The following ADAM18 variants were observed in gnomAD, a reference collection of about 807,000 sequenced individuals.
The protein encoded by ADAM18 is disintegrin and metalloproteinase domain-containing protein 18.
Under a neutral mutation model 94.4 loss-of-function variants are expected in ADAM18, and 117 were observed. That is an observed-to-expected ratio of 1.24 (90% confidence interval 1.07 to 1.45). The LOEUF is 1.45. ADAM18 is among the 40% of genes most tolerant of loss of function. The pLI is 0.00. For synonymous variants in ADAM18, 327 were observed against 291.6 expected (o/e 1.12, Z -1.24); for missense variants, 936 against 880.0 (o/e 1.06, Z -0.81).
At chr8:39,633,075 C>T (rs759455105) in intron 7 of ADAM18, among the ~76,000 whole-genome samples, 7 of 152,096 alleles carry the variant, frequency 4.6e-5, no homozygotes, top group Admixed American at 1.3e-4. Context: ...TTCCTCTCCA[C>T]GAGGACATAG....
chr8:39,691,680 A>G (rs886631411), intron 16 of ADAM18, among the ~76,000 whole-genome samples: 2 of 152,108 alleles, frequency 1.3e-5, no homozygotes, highest in African/African-American at 4.8e-5. Flanking sequence ...TATTTGCAGA[A>G]CATGGATGAA....
chr8:39,598,120 T>C (rs1276012386), intron 2 of ADAM18, among the ~76,000 whole-genome samples: 1 of 152,226 alleles, frequency 6.6e-6, no homozygotes, highest in African/African-American at 2.4e-5. Context: ...GTTTACCTTC[T>C]ACCCTGCAAC....
intron 16 of ADAM18, among the ~76,000 whole-genome samples, chr8:39,691,104 A>G (rs1220052600): frequency 1.3e-5 from 2 of 152,200 alleles, no homozygotes; most frequent in Non-Finnish European, 2.9e-5. Flanking sequence ...CAAGAACCAG[A>G]TGATATATAT....
chr8:39,636,009 G>GT (rs1286518727), intron 7 of ADAM18, among the ~76,000 whole-genome samples: 6,236 of 130,942 alleles, frequency 0.048, 297 homozygotes, highest in African/African-American at 0.12. Flanking sequence ...AAGTTTTTTT[G>GT]TTTTTTTTTT....
intron 6 of ADAM18, among the ~76,000 whole-genome samples, chr8:39,616,532 T>A (rs1401655970): frequency 2.0e-5 from 3 of 152,116 alleles, no homozygotes; most frequent in Non-Finnish European, 4.4e-5. Context: ...CTAAAATTCA[T>A]ATGGGACCAA....
rs764121011 is a variant in ADAM18, at chr8:39,606,336, A to C, written c.162A>C (p.Gln54His). Residue 54 changes from glutamine to histidine, a missense_variant, in exon 3 of 20, where the codon CAA (glutamine) becomes CAC (histidine). Physicochemically the swap from Gln to His is conservative, Grantham distance 24 (BLOSUM62 0). Transcript: ENST00000265707. ...KMIYIITIDG[Q>H]PYTLHLGKQS... ...TTTACATCATTACAATTGATGGACA[A>C]CCTTACACTCTACATCTCGGAAAAC... is the stretch of plus-strand genomic sequence containing the variant. 23 of 1,563,750 alleles carry C rather than the reference A, an allele frequency of 1.5e-5. No individual in the cohort carries two copies. Among genetic ancestry groups the C allele is most frequent in the Non-Finnish European group, 1.9e-5 (22 of 1,150,060 alleles).
chr8:39,710,262 G>A (rs190886702), intron 18 of ADAM18, among the ~76,000 whole-genome samples: 2 of 152,098 alleles, frequency 1.3e-5, no homozygotes, highest in Non-Finnish European at 2.9e-5. Flanking sequence ...ATTGTATGAG[G>A]TATTTGTCAA....
intron 2 of ADAM18, among the ~76,000 whole-genome samples, chr8:39,589,288 T>A (rs2129457980): frequency 6.6e-6 from 1 of 152,324 alleles, no homozygotes; most frequent in Non-Finnish European, 1.5e-5. Flanking sequence ...TAATTTATGT[T>A]AGGCACATTA....
intron 10 of ADAM18, among the ~76,000 whole-genome samples, chr8:39,639,317 A>C (rs113597564): frequency 6.6e-6 from 1 of 151,910 alleles, no homozygotes; most frequent in Non-Finnish European, 1.5e-5. Context: ...CCTTTGTTTA[A>C]TTTTACTTCT....
At chr8:39,642,906 C>A (rs1051911230) in intron 10 of ADAM18, among the ~76,000 whole-genome samples, 2 of 152,102 alleles carry the variant, frequency 1.3e-5, no homozygotes, top group East Asian at 3.9e-4. Context: ...TTGATTCTTT[C>A]TGTCCATGAG....
At chr8:39,615,218 C>T (rs1345049390) in intron 6 of ADAM18, among the ~76,000 whole-genome samples, 1 of 147,238 alleles carries the variant, frequency 6.8e-6, no homozygotes, top group Non-Finnish European at 1.5e-5. Context: ...ATGCAATTCT[C>T]AACAAATTAA....
At chr8:39,702,874 T>C (rs946259950) in intron 17 of ADAM18, among the ~76,000 whole-genome samples, 6 of 152,202 alleles carry the variant, frequency 3.9e-5, no homozygotes, top group African/African-American at 1.4e-4. Flanking sequence ...TATGCAGTTT[T>C]GATTACTGTA....
intron 7 of ADAM18, among the ~76,000 whole-genome samples, chr8:39,631,821 C>T (rs1281573128): frequency 6.6e-6 from 1 of 151,938 alleles, no homozygotes. Flanking sequence ...CCCTCACATT[C>T]GTCTTTACAT....
intron 14 of ADAM18, among the ~76,000 whole-genome samples, chr8:39,672,040 T>A (rs926589409): frequency 2.6e-5 from 4 of 152,160 alleles, no homozygotes; most frequent in Middle Eastern, 3.4e-3. Context: ...AGTAAAATCT[T>A]TCTACTAGGA....
Position 39,721,670 on chromosome 8 carries a change from T to C in ADAM18, c.2018-2078T>C, listed in dbSNP as rs573771609. On this transcript the variant is annotated intron_variant, in intron 18 of 19. Transcript: ENST00000265707. ...AAAACATATGAAGAAATGATCAGCA[T>C]CACTAATCATCAGAGAAATGCAAAT... Among the ~76,000 whole-genome samples the C allele has an allele frequency of 2.6e-5, 4 of 151,690 alleles. No homozygotes were observed. In the East Asian group the frequency reaches 7.7e-4, roughly 29 times the overall value.
intron 15 of ADAM18, among the ~76,000 whole-genome samples, chr8:39,677,803 G>A (rs922272171): frequency 1.3e-5 from 2 of 152,122 alleles, no homozygotes; most frequent in African/African-American, 4.8e-5. Context: ...CTGCTACTCT[G>A]TATTGAGAAT....
chr8:39,726,843 T>C (rs1004030087), intron 19 of ADAM18, among the ~76,000 whole-genome samples: 1 of 152,128 alleles, frequency 6.6e-6, no homozygotes, highest in Non-Finnish European at 1.5e-5. Flanking sequence ...CTCCCATAAA[T>C]TTTATTTGAC....
intron 6 of ADAM18, among the ~76,000 whole-genome samples, chr8:39,619,759 TA>T (rs1387901706): frequency 6.6e-6 from 1 of 152,148 alleles, no homozygotes; most frequent in Non-Finnish European, 1.5e-5. Flanking sequence ...AATGGAAAGA[TA>T]TTTAATGTTC....
intron 10 of ADAM18, among the ~76,000 whole-genome samples, chr8:39,644,053 T>G (rs935197761): frequency 6.6e-6 from 1 of 152,084 alleles, no homozygotes; most frequent in Non-Finnish European, 1.5e-5. Context: ...TTTTCAGTCA[T>G]ATACATACAA....
Sources: allele counts gnomAD v4.1 joint callset (sites outside exome capture counted in the v4.1 genomes callset), GRCh38; gene constraint gnomAD v4.1.1; transcripts MANE v1.5; gene names NCBI Gene and HGNC (gene_info 2026-07-23, HGNC 2026-07-21).